The following ATG5 variants were observed in gnomAD, a reference collection of about 807,000 sequenced individuals.
The protein encoded by ATG5 is autophagy protein 5.
Under a neutral mutation model 36.5 loss-of-function variants are expected in ATG5, and 14 were observed. The observed-to-expected ratio is 0.38, with a 90% CI of 0.25 to 0.60. The LOEUF is 0.60. ATG5 is among the 20% of genes least tolerant of loss of function. ATG5 has a pLI of 0.60. For synonymous variants in ATG5, 95 were observed against 101.5 expected (o/e 0.94, Z 0.38); for missense variants, 195 against 326.7 (o/e 0.60, Z 3.11).
chr6:106,317,200 T>C (rs1770884835), intron 1 of ATG5, among the ~76,000 whole-genome samples: 1 of 152,336 alleles, frequency 6.6e-6, no homozygotes, highest in Non-Finnish European at 1.5e-5. Context: ...TAAATATTGT[T>C]GATAATATAC....
At chr6:106,306,739 CCA>C (rs1482968902) in intron 3 of ATG5, among the ~76,000 whole-genome samples, 2 of 152,170 alleles carry the variant, frequency 1.3e-5, no homozygotes, top group Non-Finnish European at 2.9e-5. Context: ...TGCTACTCTC[CCA>C]CACTGTTTCC....
chr6:106,200,453 T>C (rs1282925596), intron 7 of ATG5, among the ~76,000 whole-genome samples: 1 of 152,112 alleles, frequency 6.6e-6, no homozygotes, highest in Non-Finnish European at 1.5e-5. Context: ...AAAATTTCTA[T>C]TATATAATAA....
intron 5 of ATG5, among the ~76,000 whole-genome samples, chr6:106,250,623 T>C (rs1489643317): frequency 6.6e-6 from 1 of 152,218 alleles, no homozygotes; most frequent in East Asian, 1.9e-4. Flanking sequence ...TACCATCAAG[T>C]ATCAAGCAAG....
intron 6 of ATG5, among the ~76,000 whole-genome samples, chr6:106,224,497 C>T (rs1562221356): frequency 6.6e-6 from 1 of 152,142 alleles, no homozygotes; most frequent in East Asian, 1.9e-4. Flanking sequence ...GACACTGAAA[C>T]AGAAGAAGTA....
intron 6 of ATG5, among the ~76,000 whole-genome samples, chr6:106,243,451 C>G (rs909887358): frequency 6.6e-6 from 1 of 150,928 alleles, no homozygotes; most frequent in Non-Finnish European, 1.5e-5. Context: ...TCGCTTGAGC[C>G]GGGAAGGCAG....
Position 106,186,029 on chromosome 6 carries a change from T to C in ATG5, c.*511A>G, listed in dbSNP as rs1182785209. ...AGACTGTAAACATAGGAAATTTTCGTTAAGGAAAGATGGGTTTACTGTAAT... is the reference window on the plus strand; with the variant it reads ...AGACTGTAAACATAGGAAATTTTCGCTAAGGAAAGATGGGTTTACTGTAAT... On this transcript the variant is annotated 3_prime_UTR_variant, in exon 8 of 8. Transcript: ENST00000369076. 6.5e-6 allele frequency: 1 copy of C among 153,138 alleles called. No individual in the cohort carries two copies. The highest frequency in any genetic ancestry group is 1.5e-5 in the Non-Finnish European group (1 of 68,294). The allele number at this position is 153,138 out of a possible 1,614,324, so 9.5% of individuals were successfully genotyped here. A position where few individuals can be genotyped will look rare whatever the true frequency, so the allele number is the denominator to read the frequency against.
chr6:106,231,384 T>C (rs1777684093), intron 6 of ATG5, among the ~76,000 whole-genome samples: 1 of 152,146 alleles, frequency 6.6e-6, no homozygotes, highest in African/African-American at 2.4e-5. Context: ...AGGTCAATGA[T>C]AGGTCGACAA....
intron 5 of ATG5, among the ~76,000 whole-genome samples, chr6:106,279,244 A>AAAGCAAGTCTACTGTCCTGAGAACG (rs1779781069): frequency 6.6e-6 from 1 of 152,218 alleles, no homozygotes; most frequent in Non-Finnish European, 1.5e-5. Flanking sequence ...ATTGAAGCAC[A>AAAGCAAGTCTACTGTCCTGAGAACG]AAGCAAGTCT....
At chr6:106,294,504 A>C (rs1175443640) in intron 3 of ATG5, among the ~76,000 whole-genome samples, 1 of 151,768 alleles carries the variant, frequency 6.6e-6, no homozygotes, top group Non-Finnish European at 1.5e-5. Flanking sequence ...GTTTCTAGAG[A>C]TCATGTATTT....
chr6:106,309,854 A>C (rs953117059), intron 2 of ATG5, among the ~76,000 whole-genome samples: 25 of 152,256 alleles, frequency 1.6e-4, no homozygotes, highest in African/African-American at 6.0e-4. Context: ...TTGAACTTTA[A>C]TTTAAAAATG....
At chr6:106,323,244 G>A (rs192666238) in intron 1 of ATG5, among the ~76,000 whole-genome samples, 309 of 140,618 alleles carry the variant, frequency 2.2e-3, no homozygotes, top group Non-Finnish European at 3.5e-3. Context: ...TTTCCGTTTC[G>A]CTAAGTGGAA....
rs2114513942 is a variant in ATG5, at chr6:106,248,164, A to T, written c.559T>A (p.Phe187Ile). Reference sequence around the variant, plus strand: ...TTATTTCCTACCTGATATATTCTAAAGGGGATATAACGAAATCCATTTTCT... The same window carrying T: ...TTATTTCCTACCTGATATATTCTAATGGGGATATAACGAAATCCATTTTCT... Reference protein sequence around the residue: ...AEENGFRYIPFRIYQTTTERP... With the variant: ...AEENGFRYIPIRIYQTTTERP... The change falls in exon 6 of 8, where the codon TTT (phenylalanine) becomes ATT (isoleucine). Residue 187 changes from phenylalanine (F) to isoleucine (I), a missense_variant. By Grantham distance (21) the Phe-to-Ile change is conservative (BLOSUM62 0). Coordinates refer to ENST00000369076, the MANE Select transcript of ATG5 (RefSeq NM_004849.4). 6.2e-7 allele frequency: 1 copy of T among 1,603,776 alleles called. No individual in the cohort carries two copies. Among genetic ancestry groups the T allele is most frequent in the Middle Eastern group, 1.7e-4 (1 of 6,038 alleles).
rs147801226 is a variant in ATG5 at position 106,223,353 on chromosome 6, G to A, written c.574-21264C>T. On this transcript the variant is annotated intron_variant, in intron 6 of 7. Coordinates refer to ENST00000369076, the MANE Select transcript of ATG5 (RefSeq NM_004849.4). ...TTTAAACTATTCCAATAAAGCTGGA[G>A]GAGGAAGGGGAAAAACATATCTGCC... 8.2e-3 allele frequency among the ~76,000 whole-genome samples: 1,242 copies of A among 152,290 alleles called. 13 individuals are homozygous for A. The highest frequency in any genetic ancestry group is 0.028 in the African/African-American group (1,153 of 41,570).
chr6:106,295,870 A>G (rs534499642), intron 3 of ATG5, among the ~76,000 whole-genome samples: 2 of 152,176 alleles, frequency 1.3e-5, no homozygotes, highest in East Asian at 3.9e-4. Context: ...AGCCCAAATA[A>G]CTCTTTAAGG....
chr6:106,259,914 G>T (rs1312375577), intron 5 of ATG5, among the ~76,000 whole-genome samples: 1 of 152,126 alleles, frequency 6.6e-6, no homozygotes, highest in Non-Finnish European at 1.5e-5. Context: ...ATAAACCATG[G>T]AATACTATGC....
intron 6 of ATG5, among the ~76,000 whole-genome samples, chr6:106,209,735 C>T (rs1776786825): frequency 6.6e-6 from 1 of 152,096 alleles, no homozygotes; most frequent in Admixed American, 6.5e-5. Flanking sequence ...GGTTGTGATA[C>T]TGTACTGTAA....
chr6:106,284,363 G>GT (rs112317085), intron 4 of ATG5, among the ~76,000 whole-genome samples: 3,756 of 150,584 alleles, frequency 0.025, 63 homozygotes, highest in African/African-American at 0.05. Flanking sequence ...GTATTTTGTT[G>GT]TTTTTTTTTG....
rs1397242217 is a variant in ATG5 at position 106,186,615 on chromosome 6, C to A, written c.753G>T (p.Leu251=). 4.3e-6 allele frequency: 7 copies of A among 1,613,634 alleles called. No homozygotes were observed. Among genetic ancestry groups the A allele is most frequent in the Non-Finnish European group, 5.9e-6 (7 of 1,179,640 alleles). ...HGIEPMLETP[L]QWLSEHLSYP... is the part of the protein sequence containing the mutation. ...AGCTCAGATGTTCACTCAGCCACTGCAGAGGTGTTTCCAACATTGGCTCAA... is the reference window on the plus strand; with the variant it reads ...AGCTCAGATGTTCACTCAGCCACTGAAGAGGTGTTTCCAACATTGGCTCAA... The change falls in exon 8 of 8, where the codon CTG becomes CTT. Residue 251 remains leucine (L), a synonymous_variant. Coordinates refer to ENST00000369076, the MANE Select transcript of ATG5 (RefSeq NM_004849.4).
intron 7 of ATG5, among the ~76,000 whole-genome samples, chr6:106,187,536 T>G (rs1037348846): frequency 3.9e-5 from 6 of 152,196 alleles, no homozygotes; most frequent in African/African-American, 1.4e-4. Flanking sequence ...AACTTTGTGT[T>G]ATTCCTTTAG....
Sources: allele counts gnomAD v4.1 joint callset (sites outside exome capture counted in the v4.1 genomes callset), GRCh38; gene constraint gnomAD v4.1.1; transcripts MANE v1.5; gene names NCBI Gene and HGNC (gene_info 2026-07-23, HGNC 2026-07-21).